TRAF3IP1: variants seen among roughly 807,000 people sequenced by gnomAD.
TRAF3IP1 encodes the protein TRAF3-interacting protein 1.
A neutral mutation model predicts 89.9 loss-of-function variants in TRAF3IP1; 53 were observed. The ratio of observed to expected loss-of-function variants is 0.59; its 90% CI spans 0.47 to 0.74. TRAF3IP1 has a LOEUF of 0.74. Among genes scored for constraint, TRAF3IP1 ranks in the 30% least tolerant of loss-of-function variants. TRAF3IP1 has a pLI of 0.00. For synonymous variants in TRAF3IP1, 311 were observed against 322.1 expected (o/e 0.97, Z 0.37); for missense variants, 806 against 866.1 (o/e 0.93, Z 0.87).
At chr2:238,381,262 G>T (rs11676813) in intron 15 of TRAF3IP1, among the ~76,000 whole-genome samples, 36,003 of 151,868 alleles carry the variant, frequency 0.24, 4,641 homozygotes, top group Non-Finnish European at 0.28. Flanking sequence ...TAAAAATGGG[G>T]CAAAAACCAG....
chr2:238,347,776 C>T (rs1479660483), intron 10 of TRAF3IP1, among the ~76,000 whole-genome samples: 3 of 152,106 alleles, frequency 2.0e-5, no homozygotes, highest in African/African-American at 7.2e-5. Context: ...TACAGGCATG[C>T]ACCACCACGC....
intron 15 of TRAF3IP1, 100 bp from the exon 16 acceptor site, chr2:238,397,359 C>T (rs1001932767): frequency 4.7e-5 from 49 of 1,042,536 alleles, no homozygotes; most frequent in Middle Eastern, 2.2e-4. Flanking sequence ...CTGCCTGCGC[C>T]TTTCCTCCCA....
At chr2:238,375,318 C>T (rs753187262) in intron 15 of TRAF3IP1, among the ~76,000 whole-genome samples, 8 of 152,092 alleles carry the variant, frequency 5.3e-5, no homozygotes, top group Non-Finnish European at 1.0e-4. Flanking sequence ...CCAGAGATTC[C>T]GGTATGTTGT....
intron 8 of TRAF3IP1, among the ~76,000 whole-genome samples, chr2:238,343,646 C>CTTTTT (rs34626636): frequency 8.8e-6 from 1 of 113,464 alleles, no homozygotes; most frequent in African/African-American, 3.2e-5. Flanking sequence ...TGTGCTTGGC[C>CTTTTT]TTTTTTTTTT....
intron 15 of TRAF3IP1, among the ~76,000 whole-genome samples, chr2:238,365,886 C>T (rs540349881): frequency 6.6e-6 from 1 of 152,170 alleles, no homozygotes; most frequent in African/African-American, 2.4e-5. Flanking sequence ...CAGTATCTTA[C>T]AATATGCAGG....
intron 15 of TRAF3IP1, among the ~76,000 whole-genome samples, chr2:238,371,927 G>A (rs1314307549): frequency 1.3e-5 from 2 of 152,152 alleles, no homozygotes; most frequent in Non-Finnish European, 2.9e-5. Context: ...TAGGTGAAAT[G>A]AATTAAAATT....
Position 238,397,565 on chromosome 2 carries a change from C to T in TRAF3IP1, c.1796C>T (p.Pro599Leu). The change falls in exon 16 of 17, where the codon CCC becomes CTC. Residue 599 changes from proline (P) to leucine (L), a missense_variant. Around this residue, in one of 3 missense-constraint regions of TRAF3IP1, gnomAD observed 732 missense variants for 780.5 expected, o/e 0.94. Coordinates refer to ENST00000373327, the MANE Select transcript of TRAF3IP1 (RefSeq NM_015650.4). The stretch of plus-strand genomic sequence containing the variant: ...CAGACCCTGTGCAAGAGCGCACTTC[C>T]CCTGGGGAAGATCATGGACTACATC... The part of the protein sequence containing the change: ...SIQTLCKSAL[P>L]LGKIMDYIQE... The T allele has an allele frequency of 1.2e-6, 2 of 1,613,052 alleles. No homozygotes were observed. The highest frequency in any genetic ancestry group is 1.3e-5 in the African/African-American group (1 of 75,042).
At position 238,332,819 on chromosome 2, in the gene TRAF3IP1, A is replaced by G. The variant is rs1225830650; in HGVS notation, c.916-5A>G. ...TAAAGTTTGAATTTTTTTTTTTTTTAATAGTCAGCAAGCTCAGGGGAGATG... is the reference window on the plus strand; with the variant it reads ...TAAAGTTTGAATTTTTTTTTTTTTTGATAGTCAGCAAGCTCAGGGGAGATG... On this transcript the variant is annotated splice_polypyrimidine_tract_variant and splice_region_variant and intron_variant, in intron 5 of 16. Coordinates refer to ENST00000373327, the MANE Select transcript of TRAF3IP1 (RefSeq NM_015650.4). The G allele has an allele frequency of 1.3e-6, 2 of 1,576,212 alleles. No homozygotes were observed. The highest frequency in any genetic ancestry group is 8.6e-7 in the Non-Finnish European group (1 of 1,158,752).
At chr2:238,325,673 A>G in intron 2 of TRAF3IP1, 136 bp from the exon 3 acceptor site, 1 of 883,750 alleles carries the variant, frequency 1.1e-6, no homozygotes, top group Non-Finnish European at 1.7e-6. Context: ...AAAGGTCAGT[A>G]TTTCTAGATT....
intron 15 of TRAF3IP1, among the ~76,000 whole-genome samples, chr2:238,395,520 A>G (rs567503065): frequency 2.0e-5 from 3 of 152,342 alleles, no homozygotes; most frequent in Non-Finnish European, 4.4e-5. Context: ...ACAAAAGCCA[A>G]AATTGACAAA....
At chr2:238,325,487 A>C (rs1697780621) in intron 2 of TRAF3IP1, 113 bp downstream of exon 2, 7 of 1,093,200 alleles carry the variant, frequency 6.4e-6, no homozygotes, top group Non-Finnish European at 9.6e-6. Flanking sequence ...TTGGAATACA[A>C]GGTCAGTGAA....
intron 8 of TRAF3IP1, among the ~76,000 whole-genome samples, chr2:238,342,202 T>G (rs1270802365): frequency 6.6e-6 from 1 of 152,172 alleles, no homozygotes; most frequent in Non-Finnish European, 1.5e-5. Flanking sequence ...TTGGCCAGAC[T>G]GGTCTCAAAC....
At chr2:238,346,654 G>A (rs929671339) in intron 9 of TRAF3IP1, among the ~76,000 whole-genome samples, 22 of 152,158 alleles carry the variant, frequency 1.4e-4, no homozygotes, top group African/African-American at 5.3e-4. Context: ...CTGATTTCTC[G>A]AGGCTGCATG....
chr2:238,387,618 A>G (rs868448250), intron 15 of TRAF3IP1, among the ~76,000 whole-genome samples: 5 of 152,348 alleles, frequency 3.3e-5, no homozygotes, highest in Admixed American at 6.5e-5. Context: ...TGGGACATAT[A>G]TAAGATTATT....
chr2:238,349,400 A>G lies in TRAF3IP1; in HGVS notation c.1443A>G (p.Gln481=). The G allele has an allele frequency of 1.2e-6, 2 of 1,614,096 alleles. No individual in the cohort carries two copies. The highest frequency in any genetic ancestry group is 2.2e-5 in the East Asian group (1 of 44,878). Reference sequence around the variant, plus strand: ...GGCAAGACAGCATGGAGGCGCTACAAATGGATAGGTAAGGCTGGCTCAGCA... The same window carrying G: ...GGCAAGACAGCATGGAGGCGCTACAGATGGATAGGTAAGGCTGGCTCAGCA... ...VKRQDSMEAL[Q]MDRSGSGKTV... Residue 481 remains glutamine (Q), a synonymous_variant, in exon 12 of 17, where the codon CAA becomes CAG. Transcript: ENST00000373327.
At chr2:238,373,987 G>A (rs778859938) in intron 15 of TRAF3IP1, among the ~76,000 whole-genome samples, 1 of 152,184 alleles carries the variant, frequency 6.6e-6, no homozygotes, top group Non-Finnish European at 1.5e-5. Flanking sequence ...TTTGTATCCT[G>A]AGACTTTGCT....
At chr2:238,326,077 G>C in intron 3 of TRAF3IP1, 107 bp downstream of exon 3, 1 of 1,101,620 alleles carries the variant, frequency 9.1e-7, no homozygotes, top group Non-Finnish European at 1.3e-6. Flanking sequence ...AGTTTCAGTG[G>C]TGTCTGTCAA....
chr2:238,337,081 G>A (rs897141429), intron 7 of TRAF3IP1, among the ~76,000 whole-genome samples: 2 of 152,098 alleles, frequency 1.3e-5, no homozygotes, highest in African/African-American at 4.8e-5. Context: ...GGCTGCCCCT[G>A]GCCAGGTGAG....
chr2:238,336,239 A>T (rs924337761), intron 7 of TRAF3IP1, among the ~76,000 whole-genome samples: 2 of 152,074 alleles, frequency 1.3e-5, no homozygotes, highest in Non-Finnish European at 2.9e-5. Flanking sequence ...GTTCTTTTGT[A>T]TGGTCTTAAG....
Sources: gnomAD v4.1 joint callset for allele counts (sites outside exome capture counted in the v4.1 genomes callset) on GRCh38, gnomAD v4.1.1 for gene constraint, gnomAD v4.1.1 regional missense constraint, MANE v1.5 for transcripts, NCBI Gene and HGNC (gene_info 2026-07-23, HGNC 2026-07-21) for gene names.